Variants in C8orf34 observed in about 807,000 individuals in gnomAD.
The protein encoded by C8orf34 is uncharacterized protein C8orf34.
In C8orf34, 65 loss-of-function variants were observed where a neutral mutation model predicts 68.3. The observed-to-expected ratio is 0.95, with a 90% confidence interval of 0.78 to 1.17. The LOEUF (loss-of-function observed/expected upper bound fraction) is 1.17, where lower values mean the gene tolerates loss of function less well. Ranked by LOEUF, C8orf34 falls within the 50% of genes most tolerant of loss-of-function variation. The pLI is 0.00. For missense variants in C8orf34, 664 were observed against 655.4 expected, an observed-to-expected ratio of 1.01 and a Z score of -0.14; for synonymous variants, 244 against 241.2, an observed-to-expected ratio of 1.01 and a Z score of -0.11.
chr8:68,685,291 AC>A (rs1820482034), intron 8 of C8orf34, among the ~76,000 whole-genome samples: 3 of 152,242 alleles, frequency 2.0e-5, no homozygotes, highest in Non-Finnish European at 4.4e-5. Flanking sequence ...AAATTCAGTA[AC>A]CTTTTAACTT....
intron 7 of C8orf34, among the ~76,000 whole-genome samples, chr8:68,576,084 C>T (rs775415806): frequency 6.7e-4 from 100 of 149,912 alleles, no homozygotes; most frequent in Non-Finnish European, 1.2e-3. Context: ...GCTTTTATTC[C>T]TATCCCAACA....
intron 7 of C8orf34, among the ~76,000 whole-genome samples, chr8:68,537,722 CCT>C (rs1324502355): frequency 1.3e-5 from 2 of 151,742 alleles, no homozygotes; most frequent in Non-Finnish European, 2.9e-5. Context: ...TATCTCAGTC[CCT>C]TTTATTACCT....
chr8:68,541,539 A>G (rs957094119), intron 7 of C8orf34, among the ~76,000 whole-genome samples: 3 of 152,204 alleles, frequency 2.0e-5, no homozygotes, highest in East Asian at 1.9e-4. Flanking sequence ...TTTAATACCA[A>G]CGCCTCTCCT....
At chr8:68,352,682 C>T (rs552072333) in intron 1 of C8orf34, among the ~76,000 whole-genome samples, 1 of 151,938 alleles carries the variant, frequency 6.6e-6, no homozygotes, top group Admixed American at 6.6e-5. Flanking sequence ...ATTGAAAGAG[C>T]CTTTTGGGTT....
intron 3 of C8orf34, among the ~76,000 whole-genome samples, chr8:68,452,079 A>G (rs1811368897): frequency 6.6e-6 from 1 of 151,880 alleles, no homozygotes. Flanking sequence ...ATAATATTCC[A>G]TTGTGTGGTT....
intron 12 of C8orf34, among the ~76,000 whole-genome samples, chr8:68,802,165 A>G (rs1824347879): frequency 6.6e-6 from 1 of 151,956 alleles, no homozygotes; most frequent in Non-Finnish European, 1.5e-5. Context: ...GAATGGTGCA[A>G]TCTTGGCATA....
In C8orf34 at chr8:68,497,413, G is replaced by A. The variant is rs1271498127; in HGVS notation, c.765+9362G>A. Among the ~76,000 whole-genome samples the A allele has an allele frequency of 2.6e-5, 4 of 152,172 alleles. No homozygotes were observed. In the South Asian group the frequency reaches 6.2e-4, roughly 24 times the overall value. The stretch of plus-strand genomic sequence containing the variant: ...AGACAATTTCACACATTGCTAGTGG[G>A]AATGCAAAATGCTACAAACACTATG... On this transcript the variant is annotated intron_variant, in intron 5 of 13. Transcript: ENST00000518698.
At chr8:68,710,212 A>G (rs1045873839) in intron 9 of C8orf34, among the ~76,000 whole-genome samples, 1 of 152,180 alleles carries the variant, frequency 6.6e-6, no homozygotes, top group East Asian at 1.9e-4. Flanking sequence ...CCGCAGGAAC[A>G]TAACAGGAAA....
At chr8:68,388,042 CTGT>C (rs1037969170) in intron 1 of C8orf34, among the ~76,000 whole-genome samples, 12 of 152,194 alleles carry the variant, frequency 7.9e-5, no homozygotes, top group South Asian at 6.2e-4. Flanking sequence ...TGATTGCCTT[CTGT>C]TGTTGGTGGT....
chr8:68,658,828 T>C (rs1323905886), intron 8 of C8orf34, among the ~76,000 whole-genome samples: 2 of 152,190 alleles, frequency 1.3e-5, no homozygotes, highest in South Asian at 4.1e-4. Flanking sequence ...CCCCATGCAA[T>C]ACCATTTTGT....
chr8:68,336,617 A>G (rs541212438), intron 1 of C8orf34, among the ~76,000 whole-genome samples: 1 of 152,310 alleles, frequency 6.6e-6, no homozygotes, highest in Admixed American at 6.5e-5. Context: ...ACTTAAGTGC[A>G]TATACCTACA....
chr8:68,804,195 T>C (rs1337048678), intron 12 of C8orf34, among the ~76,000 whole-genome samples: 1 of 152,190 alleles, frequency 6.6e-6, no homozygotes, highest in African/African-American at 2.4e-5. Flanking sequence ...AACTTAACAA[T>C]TAAGAGCCAA....
chr8:68,680,786 G>A (rs749196077), intron 8 of C8orf34, among the ~76,000 whole-genome samples: 13 of 152,054 alleles, frequency 8.5e-5, no homozygotes, highest in Admixed American at 2.0e-4. Flanking sequence ...AACAGGGTTC[G>A]AGAGCAGAGA....
At chr8:68,354,323 C>G (rs1806652786) in intron 1 of C8orf34, among the ~76,000 whole-genome samples, 2 of 151,884 alleles carry the variant, frequency 1.3e-5, no homozygotes, top group African/African-American at 4.8e-5. Context: ...TAGTACTATT[C>G]TAGGCAATTT....
At chr8:68,497,563 T>C (rs1257522375) in intron 5 of C8orf34, among the ~76,000 whole-genome samples, 2 of 152,206 alleles carry the variant, frequency 1.3e-5, no homozygotes, top group African/African-American at 2.4e-5. Flanking sequence ...TATGTGTGGC[T>C]GTACCTTGTC....
chr8:68,378,892 A>T (rs1365364061), intron 1 of C8orf34, among the ~76,000 whole-genome samples: 1 of 152,212 alleles, frequency 6.6e-6, no homozygotes, highest in Admixed American at 6.5e-5. Context: ...TTGAATCAAT[A>T]TATAAAGTCT....
At chr8:68,567,580 T>A (rs1227150019) in intron 7 of C8orf34, among the ~76,000 whole-genome samples, 1 of 38,990 alleles carries the variant, frequency 2.6e-5, no homozygotes, top group African/African-American at 1.6e-4. Context: ...CATTTATCTT[T>A]TTTTTTTTTT....
chr8:68,647,653 C>A (rs920598250), intron 8 of C8orf34, among the ~76,000 whole-genome samples: 6 of 152,138 alleles, frequency 3.9e-5, no homozygotes, highest in Admixed American at 2.0e-4. Context: ...CGTTAAATAG[C>A]TCTGTAGAGT....
At chr8:68,613,566 T>A (rs968931426) in intron 7 of C8orf34, among the ~76,000 whole-genome samples, 5 of 151,924 alleles carry the variant, frequency 3.3e-5, no homozygotes, top group Non-Finnish European at 5.9e-5. Flanking sequence ...TGTGATAGTT[T>A]ACTGAGAATG....
Sources: gnomAD v4.1 joint callset for allele counts (sites outside exome capture counted in the v4.1 genomes callset) on GRCh38, gnomAD v4.1.1 for gene constraint, MANE v1.5 for transcripts, NCBI Gene and HGNC (gene_info 2026-07-23, HGNC 2026-07-21) for gene names.